SKIC8: variants seen among roughly 807,000 people sequenced by gnomAD.
SKIC8 encodes SKI8 subunit of superkiller complex.
the SKIC8 span, chr15:78,299,432 G>A: frequency 6.5e-6 from 1 of 152,846 alleles, no homozygotes; most frequent in Admixed American, 6.5e-5. Context: ...CAGGCCCCAG[G>A]GCCTGGAGCA....
At chr15:78,295,002 C>G in the SKIC8 span, 2 of 1,613,836 alleles carry the variant, frequency 1.2e-6, no homozygotes, top group East Asian at 2.2e-5. Flanking sequence ...CACATTAAAC[C>G]CATGGTCAGA....
At chr15:78,283,660 G>A in the SKIC8 span, 2 of 596,612 alleles carry the variant, frequency 3.4e-6, no homozygotes, top group African/African-American at 1.9e-5. Context: ...AAATCAGTGA[G>A]AATGGAGGCT....
chr15:78,284,504 T>A, the SKIC8 span: 1 of 152,238 alleles, frequency 6.6e-6, no homozygotes, highest in Non-Finnish European at 1.5e-5. Context: ...TTATTTTTTA[T>A]GCTCAGTTCC....
At chr15:78,290,637 C>T in the SKIC8 span, 2 of 152,358 alleles carry the variant, frequency 1.3e-5, no homozygotes, top group African/African-American at 4.8e-5. Context: ...ATTCATTAGA[C>T]CCAAATTCAT....
the SKIC8 span, chr15:78,283,557 T>A: frequency 6.9e-7 from 1 of 1,441,072 alleles, no homozygotes. Flanking sequence ...TACAAATGCC[T>A]TTATTCTTTA....
At chr15:78,286,588 G>C in the SKIC8 span, 1 of 157,620 alleles carries the variant, frequency 6.3e-6, no homozygotes. Context: ...TATTCATTAT[G>C]ACAGATGCAG....
the SKIC8 span, chr15:78,289,589 A>C: frequency 6.7e-7 from 1 of 1,500,340 alleles, no homozygotes; most frequent in East Asian, 2.3e-5. Flanking sequence ...TTGATAACCC[A>C]GTTTGTCAAA....
chr15:78,294,856 T>C, the SKIC8 span: 3 of 1,515,022 alleles, frequency 2.0e-6, no homozygotes, highest in Non-Finnish European at 1.8e-6. Flanking sequence ...ACTTGAAAAC[T>C]GCATGTCTGG....
chr15:78,284,754 A>C, the SKIC8 span: 1 of 152,980 alleles, frequency 6.5e-6, no homozygotes, highest in South Asian at 2.1e-4. Context: ...TTCCTTTTAA[A>C]GACTGAAAAG....
the SKIC8 span, chr15:78,290,819 T>TTA: frequency 1.3e-5 from 2 of 151,466 alleles, no homozygotes; most frequent in Admixed American, 1.3e-4. Context: ...ATTCTTCCTT[T>TTA]TTTTTTTTGA....
the SKIC8 span, chr15:78,295,737 A>G: frequency 6.6e-7 from 1 of 1,515,022 alleles, no homozygotes. Context: ...TGTGGAAACA[A>G]CACCAGGATT....
At chr15:78,292,413 T>C in the SKIC8 span, 2 of 577,750 alleles carry the variant, frequency 3.5e-6, no homozygotes, top group African/African-American at 3.7e-5. Context: ...TAAACATTCA[T>C]GTTTACTTGC....
At chr15:78,285,452 T>A in the SKIC8 span, 1 of 858,586 alleles carries the variant, frequency 1.2e-6, no homozygotes, top group South Asian at 1.5e-5. Flanking sequence ...CATGCCTCGG[T>A]ACAGGAAATG....
the SKIC8 span, chr15:78,286,623 A>G: frequency 6.5e-6 from 1 of 153,214 alleles, no homozygotes; most frequent in African/African-American, 2.4e-5. Context: ...TTTAAACCTA[A>G]TCAAGAACAA....
chr15:78,292,390 A>T, the SKIC8 span: 322 of 500,002 alleles, frequency 6.4e-4, no homozygotes, highest in South Asian at 2.0e-3. Flanking sequence ...GCCTTTATTT[A>T]TCTCCCTTAG....
At chr15:78,285,589 G>T in the SKIC8 span, 1 of 553,834 alleles carries the variant, frequency 1.8e-6, no homozygotes, top group Non-Finnish European at 3.2e-6. Flanking sequence ...CCTATTTCCA[G>T]ATGGGAGGGA....
the SKIC8 span, chr15:78,285,850 A>T: frequency 3.0e-5 from 15 of 505,576 alleles, no homozygotes; most frequent in African/African-American, 2.7e-4. Context: ...ACTGTTTAAA[A>T]GGATTACTTG....
the SKIC8 span, chr15:78,292,777 C>T: frequency 6.2e-7 from 1 of 1,613,732 alleles, no homozygotes; most frequent in East Asian, 2.2e-5. Flanking sequence ...TAGGTCCAGC[C>T]TCTCATCACG....
chr15:78,286,057 T>C, the SKIC8 span: 3 of 1,612,572 alleles, frequency 1.9e-6, no homozygotes, highest in Non-Finnish European at 2.5e-6. Context: ...ACAAAGTGAG[T>C]GTCATCAGGA....
Sources: allele counts gnomAD v4.1 joint callset, GRCh38; gene constraint gnomAD v4.1.1; transcripts MANE v1.5; gene names NCBI Gene and HGNC (gene_info 2026-07-23, HGNC 2026-07-21).